Variants in RASA2 observed in about 807,000 individuals in gnomAD.
The protein encoded by RASA2 is RAS p21 protein activator 2.
In RASA2, 155 loss-of-function variants were observed where a neutral mutation model predicts 118.2. That is an observed-to-expected ratio of 1.31 (90% confidence interval 1.15 to 1.50). The LOEUF is 1.50. RASA2 is among the 40% of genes most tolerant of loss of function. The probability of loss-of-function intolerance (pLI) is 0.00; values close to 1 mark genes in which losing one functional copy is unlikely to be tolerated. For synonymous variants in RASA2, 353 were observed against 349.1 expected (o/e 1.01, Z -0.12); for missense variants, 1,016 against 1,009.6 (o/e 1.01, Z -0.09).
intron 4 of RASA2, among the ~76,000 whole-genome samples, chr3:141,532,665 G>A (rs2082275238): frequency 6.6e-6 from 1 of 152,082 alleles, no homozygotes; most frequent in South Asian, 2.1e-4. Context: ...TAAGGTATTT[G>A]GGTGGTTTGT....
At chr3:141,503,774 C>G (rs2081821051) in intron 1 of RASA2, among the ~76,000 whole-genome samples, 2 of 152,164 alleles carry the variant, frequency 1.3e-5, no homozygotes, top group Admixed American at 1.3e-4. Context: ...CTGTCATATC[C>G]TAGCAGCTTA....
Position 141,512,206 on chromosome 3 carries a change from G to C in RASA2, c.177G>C (p.Met59Ile). 6.2e-7 allele frequency: 1 copy of C among 1,605,874 alleles called. No individual in the cohort carries two copies. The highest frequency in any genetic ancestry group is 8.5e-7 in the Non-Finnish European group (1 of 1,177,924). ...TGCCATATCTTGGACCCCACAAAAT[G>C]AGAGATTGTTTCTGTACCATAAATT... ...NLLPYLGPHK[M>I]RDCFCTINLD... The change falls in exon 2 of 24, where the codon ATG becomes ATC. Residue 59 changes from methionine to isoleucine, a missense_variant. This residue lies in a region of RASA2 where 896 missense variants were observed against 836.4 expected (regional missense o/e 1.07). Transcript: ENST00000286364.
intron 9 of RASA2, 132 bp downstream of exon 9, chr3:141,560,127 A>G (rs2082710276): frequency 1.6e-6 from 1 of 615,696 alleles, no homozygotes; most frequent in East Asian, 2.9e-5. Flanking sequence ...TAATATTGAT[A>G]TGTTCATTAA....
At chr3:141,492,575 C>T (rs1268142885) in intron 1 of RASA2, among the ~76,000 whole-genome samples, 7 of 152,174 alleles carry the variant, frequency 4.6e-5, no homozygotes, top group Non-Finnish European at 8.8e-5. Context: ...AATTCTTTAA[C>T]CTTGCTGAGC....
At chr3:141,511,753 G>GTTT (rs937319150) in intron 1 of RASA2, among the ~76,000 whole-genome samples, 2 of 152,176 alleles carry the variant, frequency 1.3e-5, no homozygotes, top group African/African-American at 4.8e-5. Flanking sequence ...CTTTTTGTGT[G>GTTT]TTTTTTTAAG....
chr3:141,604,173 A>G (rs1422785980), intron 19 of RASA2, among the ~76,000 whole-genome samples: 3 of 152,208 alleles, frequency 2.0e-5, no homozygotes, highest in Admixed American at 6.5e-5. Context: ...ACCTGATTTC[A>G]GCCATTTAGT....
At chr3:141,569,911 C>T (rs2082888981) in intron 9 of RASA2, among the ~76,000 whole-genome samples, 1 of 151,994 alleles carries the variant, frequency 6.6e-6, no homozygotes, top group African/African-American at 2.4e-5. Context: ...TGCATTAATT[C>T]GCATAGGGTA....
chr3:141,526,809 A>G (rs1560009604), intron 3 of RASA2, among the ~76,000 whole-genome samples: 1 of 152,234 alleles, frequency 6.6e-6, no homozygotes, highest in African/African-American at 2.4e-5. Context: ...AGCTAGTCAG[A>G]GAAGGGTTTC....
At chr3:141,494,455 G>A (rs895774528) in intron 1 of RASA2, among the ~76,000 whole-genome samples, 5 of 152,168 alleles carry the variant, frequency 3.3e-5, no homozygotes, top group Non-Finnish European at 7.3e-5. Context: ...TGCAACCTCC[G>A]CCTCCCGGGT....
At chr3:141,568,321 A>G (rs563993616) in intron 9 of RASA2, among the ~76,000 whole-genome samples, 6 of 152,102 alleles carry the variant, frequency 3.9e-5, no homozygotes, top group Non-Finnish European at 7.4e-5. Context: ...TAAACTGACT[A>G]ATAGGCTCAG....
chr3:141,530,560 A>G (rs1222555151), intron 4 of RASA2, among the ~76,000 whole-genome samples: 5 of 152,100 alleles, frequency 3.3e-5, no homozygotes, highest in African/African-American at 1.2e-4. Flanking sequence ...CCTCTCCAAA[A>G]GAAGTTTTAA....
chr3:141,581,257 A>T, intron 17 of RASA2, 80 bp downstream of exon 17: 1 of 1,030,148 alleles, frequency 9.7e-7, no homozygotes, highest in Non-Finnish European at 1.3e-6. Flanking sequence ...TATTATTATT[A>T]TCAATCCCCA....
At chr3:141,541,799 A>G (rs1025973479) in intron 5 of RASA2, among the ~76,000 whole-genome samples, 1 of 151,180 alleles carries the variant, frequency 6.6e-6, no homozygotes, top group African/African-American at 2.4e-5. Context: ...ACATTTTTTA[A>G]GAATATAAAC....
At chr3:141,588,465 T>G (rs2083240265) in intron 19 of RASA2, among the ~76,000 whole-genome samples, 1 of 152,200 alleles carries the variant, frequency 6.6e-6, no homozygotes, top group Admixed American at 6.5e-5. Context: ...TTCAGTATGT[T>G]TTACAGAGGA....
At chr3:141,610,216 G>C (rs2083616580) in intron 23 of RASA2, 150 bp downstream of exon 23, 3 of 534,662 alleles carry the variant, frequency 5.6e-6, no homozygotes, top group Non-Finnish European at 6.1e-6. Context: ...GCCACTCCAA[G>C]TGCTCTTTGT....
chr3:141,567,226 G>T (rs905287734), intron 9 of RASA2, among the ~76,000 whole-genome samples: 1 of 152,030 alleles, frequency 6.6e-6, no homozygotes, highest in African/African-American at 2.4e-5. Context: ...GACCAGCCTG[G>T]CCAACATAGT....
chr3:141,595,504 C>T (rs1454809895), intron 19 of RASA2, among the ~76,000 whole-genome samples: 1 of 152,056 alleles, frequency 6.6e-6, no homozygotes, highest in Admixed American at 6.6e-5. Context: ...TTTATAATGG[C>T]AGAAGGAGCA....
chr3:141,587,713 C>CAAA lies in RASA2; in HGVS notation c.1933+979_1933+981dup, dbSNP rs1156964232. 3.6e-3 allele frequency among the ~76,000 whole-genome samples: 202 copies of CAAA among 55,772 alleles called. 1 individual carries two copies. Among genetic ancestry groups the CAAA allele is most frequent in the African/African-American group, 0.01 (176 of 16,862 alleles). The allele number at this position is 55,772 out of a possible 152,430, so 36.6% of individuals were successfully genotyped here. ...TGGGTGACAGAGCAAGACTCCATCT[C>CAAA]AAAAAAAAAAAAAAAAAAAAGGAAT... On this transcript the variant is annotated intron_variant, in intron 19 of 23. Coordinates refer to ENST00000286364, the MANE Select transcript of RASA2 (RefSeq NM_006506.5).
At chr3:141,514,001 G>A (rs1577664927) in intron 2 of RASA2, among the ~76,000 whole-genome samples, 1 of 152,116 alleles carries the variant, frequency 6.6e-6, no homozygotes, top group East Asian at 1.9e-4. Context: ...TGCAACATGA[G>A]GATGGGCAAA....
Sources: gnomAD v4.1 joint callset for allele counts (sites outside exome capture counted in the v4.1 genomes callset) on GRCh38, gnomAD v4.1.1 for gene constraint, gnomAD v4.1.1 regional missense constraint, MANE v1.5 for transcripts, NCBI Gene and HGNC (gene_info 2026-07-23, HGNC 2026-07-21) for gene names.